The following CEP70 variants were observed in gnomAD, a reference collection of about 807,000 sequenced individuals.
The protein encoded by CEP70 is centrosomal protein of 70 kDa.
In CEP70, 70 loss-of-function variants were observed where a neutral mutation model predicts 90.9. The observed-to-expected ratio is 0.77, with a 90% CI of 0.64 to 0.94. CEP70 has a LOEUF of 0.94. Among genes scored for constraint, CEP70 ranks in the 40% least tolerant of loss-of-function variants. CEP70 has a pLI of 0.00. For synonymous variants in CEP70, 220 were observed against 228.3 expected, an observed-to-expected ratio of 0.96 and a Z score of 0.33; for missense variants, 648 against 669.0, an observed-to-expected ratio of 0.97 and a Z score of 0.35.
At chr3:138,532,384 T>A in intron 8 of CEP70, 130 bp downstream of exon 8, 3 of 726,692 alleles carry the variant, frequency 4.1e-6, no homozygotes, top group Non-Finnish European at 6.0e-6. Context: ...AAGTTCTTTA[T>A]AAAAAAGAAC....
chr3:138,540,138 C>A (rs1375335085), intron 6 of CEP70, among the ~76,000 whole-genome samples: 1 of 151,776 alleles, frequency 6.6e-6, no homozygotes, highest in Admixed American at 6.6e-5. Flanking sequence ...AAGAAGTCGG[C>A]AAAGGACAAG....
chr3:138,532,558 T>C lies in CEP70; in HGVS notation c.648A>G (p.Leu216=), dbSNP rs199954294. 183 of 1,506,002 alleles carry C rather than the reference T, an allele frequency of 1.2e-4. No homozygotes were observed. The highest frequency in any genetic ancestry group is 2.2e-4 in the South Asian group (17 of 78,010). The allele number at this position is 1,506,002 out of a possible 1,614,324, so 93.3% of individuals were successfully genotyped here. A position where few individuals can be genotyped will look rare whatever the true frequency, so the allele number is the denominator to read the frequency against. Residue 216 remains leucine, a synonymous_variant, in exon 8 of 18, where the codon CTA becomes CTG. Transcript: ENST00000264982. The stretch of plus-strand genomic sequence containing the variant: ...TAATTTTAGATTCATAGTAATCAAT[T>C]AGACAAAGCAACCTAGAAAACAGAA... ...HTVLDRQLLC[L]IDYYESKIRK...
intron 13 of CEP70, among the ~76,000 whole-genome samples, chr3:138,501,528 G>C (rs76687726): frequency 6.6e-6 from 1 of 152,182 alleles, no homozygotes; most frequent in African/African-American, 2.4e-5. Flanking sequence ...TTTGCATAAA[G>C]GGAATTATAC....
At chr3:138,557,809 A>G (rs1400268386) in intron 6 of CEP70, among the ~76,000 whole-genome samples, 1 of 152,166 alleles carries the variant, frequency 6.6e-6, no homozygotes, top group South Asian at 2.1e-4. Context: ...GAAATAAAAA[A>G]TTTTTAAAAA....
intron 6 of CEP70, among the ~76,000 whole-genome samples, chr3:138,562,017 C>T (rs1173941154): frequency 1.9e-5 from 2 of 105,806 alleles, no homozygotes; most frequent in Non-Finnish European, 3.7e-5. Flanking sequence ...TGCAAGACGC[C>T]GTCTCAAAAA....
intron 2 of CEP70, among the ~76,000 whole-genome samples, chr3:138,576,575 T>C (rs138446760): frequency 2.9e-4 from 44 of 152,248 alleles, no homozygotes; most frequent in African/African-American, 1.0e-3. Context: ...TATCCAGGAC[T>C]TGAACTCAGC....
At chr3:138,571,897 G>A (rs992759426) in intron 3 of CEP70, among the ~76,000 whole-genome samples, 14 of 152,120 alleles carry the variant, frequency 9.2e-5, no homozygotes, top group Non-Finnish European at 1.8e-4. Flanking sequence ...TCCTGCCTCA[G>A]CCTCCCGAGT....
chr3:138,507,874 T>A (rs545478908), intron 12 of CEP70, among the ~76,000 whole-genome samples: 4 of 152,204 alleles, frequency 2.6e-5, no homozygotes, highest in South Asian at 4.1e-4. Context: ...TCTTAATTTT[T>A]AAAAAAATGA....
intron 6 of CEP70, among the ~76,000 whole-genome samples, chr3:138,560,575 G>T (rs2040335360): frequency 6.6e-6 from 1 of 151,948 alleles, no homozygotes; most frequent in Non-Finnish European, 1.5e-5. Flanking sequence ...AGAGGTCTGG[G>T]TAGGCAGGTC....
chr3:138,542,223 C>T (rs1462582767), intron 6 of CEP70, among the ~76,000 whole-genome samples: 1 of 152,230 alleles, frequency 6.6e-6, no homozygotes, highest in Admixed American at 6.5e-5. Flanking sequence ...CAGGCACTGG[C>T]TCCATGTGAG....
At chr3:138,516,387 G>T (rs2036026332) in intron 11 of CEP70, among the ~76,000 whole-genome samples, 1 of 151,284 alleles carries the variant, frequency 6.6e-6, no homozygotes, top group Admixed American at 6.6e-5. Flanking sequence ...CTTTTTTTTG[G>T]GGGGACGGGG....
chr3:138,496,590 TCA>T, intron 17 of CEP70: 1 of 985,372 alleles, frequency 1.0e-6, no homozygotes, highest in Non-Finnish European at 1.2e-6. Context: ...CCTCAGTCAA[TCA>T]CACCATTTAC....
intron 6 of CEP70, among the ~76,000 whole-genome samples, chr3:138,567,403 A>C (rs2040867276): frequency 6.6e-6 from 1 of 152,224 alleles, no homozygotes; most frequent in Admixed American, 6.5e-5. Context: ...GAATAGAAGA[A>C]GCTGACACCT....
At chr3:138,547,544 A>G (rs953785354) in intron 6 of CEP70, among the ~76,000 whole-genome samples, 1 of 152,046 alleles carries the variant, frequency 6.6e-6, no homozygotes, top group African/African-American at 2.4e-5. Context: ...AACCTCAGCA[A>G]TTTTTTTTCT....
At chr3:138,549,893 G>A (rs1289975132) in intron 6 of CEP70, among the ~76,000 whole-genome samples, 1 of 152,178 alleles carries the variant, frequency 6.6e-6, no homozygotes, top group Non-Finnish European at 1.5e-5. Flanking sequence ...AAAGGACTCT[G>A]TGCAGATAAT....
chr3:138,580,626 C>T (rs1238522038), intron 2 of CEP70, among the ~76,000 whole-genome samples: 1 of 152,056 alleles, frequency 6.6e-6, no homozygotes, highest in Non-Finnish European at 1.5e-5. Flanking sequence ...CAACAAACAT[C>T]TACAAGTATC....
intron 11 of CEP70, among the ~76,000 whole-genome samples, chr3:138,514,743 T>C (rs996147682): frequency 6.6e-6 from 1 of 152,126 alleles, no homozygotes; most frequent in Non-Finnish European, 1.5e-5. Flanking sequence ...ATTTTTTTCA[T>C]TGAGTGTTTT....
chr3:138,571,299 G>A lies in CEP70; in HGVS notation c.127C>T (p.Pro43Ser), dbSNP rs756846111. Residue 43 changes from proline to serine, a missense_variant, in exon 4 of 18, where the codon CCT (proline) becomes TCT (serine). Physicochemically the swap from Pro to Ser is moderately conservative, Grantham distance 74. Transcript: ENST00000264982. ...NVLLMMHGLK[P>S]LSLVKRTDLK... ...TCTGTTCTTTTGACTAGAGACAAAG[G>A]TTTTAAGCCATGCATCATCAATAGC... 41 of 1,611,378 alleles carry A rather than the reference G, an allele frequency of 2.5e-5. No homozygotes were observed. Among genetic ancestry groups the A allele is most frequent in the Non-Finnish European group, 3.4e-6 (4 of 1,178,624 alleles).
intron 6 of CEP70, among the ~76,000 whole-genome samples, chr3:138,563,337 G>A (rs1576847524): frequency 1.3e-5 from 2 of 152,090 alleles, no homozygotes; most frequent in Admixed American, 1.3e-4. Flanking sequence ...ACTCAGCTCT[G>A]GACCATGCAG....
Sources: allele counts gnomAD v4.1 joint callset (sites outside exome capture counted in the v4.1 genomes callset), GRCh38; gene constraint gnomAD v4.1.1; transcripts MANE v1.5; gene names NCBI Gene and HGNC (gene_info 2026-07-23, HGNC 2026-07-21).